The following TANC2 variants were observed in gnomAD, a reference collection of about 807,000 sequenced individuals.
TANC2 encodes protein TANC2.
In TANC2, 26 loss-of-function variants were observed where a neutral mutation model predicts 210.5. The observed-to-expected ratio is 0.12, with a 90% CI of 0.09 to 0.17. The LOEUF is 0.17. Ranked by LOEUF, TANC2 falls within the 10% of genes least tolerant of loss-of-function variation. The probability of loss-of-function intolerance (pLI) is 1.00; values close to 1 mark genes in which losing one functional copy is unlikely to be tolerated. For missense variants in TANC2, 2,129 were observed against 2,608.9 expected (o/e 0.82, Z 4.01); for synonymous variants, 931 against 967.1 (o/e 0.96, Z 0.69).
At chr17:62,998,385 G>A (rs181579714) in intron 1 of TANC2, among the ~76,000 whole-genome samples, 9 of 152,288 alleles carry the variant, frequency 5.9e-5, no homozygotes, top group Non-Finnish European at 1.0e-4. Flanking sequence ...CCTCACTAGA[G>A]AGGGCAACAT....
At chr17:63,057,362 AT>A (rs1451045197) in intron 2 of TANC2, among the ~76,000 whole-genome samples, 2 of 152,114 alleles carry the variant, frequency 1.3e-5, no homozygotes, top group African/African-American at 2.4e-5. Context: ...GATGCCATAG[AT>A]TTCTGTTTTG....
chr17:63,247,737 A>G (rs943776842), intron 8 of TANC2, among the ~76,000 whole-genome samples: 1 of 152,140 alleles, frequency 6.6e-6, no homozygotes. Context: ...TGTCCTGGAG[A>G]ACAAGATTAT....
Position 63,046,325 on chromosome 17 carries a change from C to CTTTTTTTTTTTTTTTTTTTTTTTTT in TANC2, c.68-27594_68-27593insTTTTTTTTTTTTTTTTTTTTTTTTT, listed in dbSNP as rs57550590. On this transcript the variant is annotated intron_variant, in intron 2 of 27. Transcript: ENST00000689528. ...CAGGTGCGTGCCACCACACCCAGCT[C>CTTTTTTTTTTTTTTTTTTTTTTTTT]TTTTTTTTTTTTTTTTTTTTTTTTG... is the stretch of plus-strand genomic sequence containing the variant. Among the ~76,000 whole-genome samples, 4 of 44,142 alleles carry CTTTTTTTTTTTTTTTTTTTTTTTTT rather than the reference C, an allele frequency of 9.1e-5. 2 individuals carry two copies. The highest frequency in any genetic ancestry group is 1.5e-4 in the Non-Finnish European group (4 of 27,058). 29.0% of individuals were successfully genotyped at this position (44,142 alleles called of 152,430 possible).
intron 4 of TANC2, among the ~76,000 whole-genome samples, chr17:63,125,743 T>C (rs2038683938): frequency 6.6e-6 from 1 of 152,230 alleles, no homozygotes; most frequent in Non-Finnish European, 1.5e-5. Flanking sequence ...CAAAAAAGTA[T>C]GATAAATATA....
At chr17:63,342,418 G>C (rs2046262074) in intron 12 of TANC2, among the ~76,000 whole-genome samples, 1 of 152,166 alleles carries the variant, frequency 6.6e-6, no homozygotes, top group East Asian at 1.9e-4. Context: ...AATATGTTTT[G>C]AACAGATAAG....
At chr17:63,400,666 C>T (rs1338220228) in intron 19 of TANC2, among the ~76,000 whole-genome samples, 2 of 150,776 alleles carry the variant, frequency 1.3e-5, no homozygotes, top group Non-Finnish European at 2.9e-5. Flanking sequence ...TTTTTTGAGA[C>T]GGAGTCTCAC....
At chr17:63,377,980 G>T (rs2147068180) in intron 14 of TANC2, among the ~76,000 whole-genome samples, 1 of 152,138 alleles carries the variant, frequency 6.6e-6, no homozygotes, top group East Asian at 1.9e-4. Context: ...AACAGCATGG[G>T]GTAAACCGCC....
intron 5 of TANC2, among the ~76,000 whole-genome samples, chr17:63,172,263 C>T: frequency 6.6e-6 from 1 of 151,130 alleles, no homozygotes; most frequent in Non-Finnish European, 1.5e-5. Context: ...ACATTCTCAA[C>T]CCCCGCCTCT....
chr17:62,997,896 A>G (rs1464704786), intron 1 of TANC2, among the ~76,000 whole-genome samples: 2 of 152,192 alleles, frequency 1.3e-5, no homozygotes, highest in Non-Finnish European at 2.9e-5. Context: ...GGAAGTAGAT[A>G]TAGAAAAAGA....
intron 2 of TANC2, among the ~76,000 whole-genome samples, chr17:63,063,774 C>T (rs1459037605): frequency 6.6e-6 from 1 of 151,762 alleles, no homozygotes; most frequent in Non-Finnish European, 1.5e-5. Flanking sequence ...TTGTTTTACT[C>T]TCTGTTATTG....
intron 6 of TANC2, 122 bp from the exon 7 acceptor site, chr17:63,200,649 G>T (rs1006370676): frequency 2.5e-5 from 21 of 838,330 alleles, no homozygotes; most frequent in Non-Finnish European, 3.9e-5. Flanking sequence ...AACAAATAGA[G>T]CCTAATAGAT....
intron 7 of TANC2, among the ~76,000 whole-genome samples, chr17:63,223,445 C>G (rs974578429): frequency 3.9e-5 from 6 of 152,172 alleles, no homozygotes; most frequent in African/African-American, 1.4e-4. Flanking sequence ...GGCTGCTCCA[C>G]AGGCAGAGCA....
At chr17:63,385,049 A>C (rs533427531) in intron 15 of TANC2, among the ~76,000 whole-genome samples, 1 of 152,304 alleles carries the variant, frequency 6.6e-6, no homozygotes, top group East Asian at 1.9e-4. Flanking sequence ...GTTCCCTCCT[A>C]AATAAAAATA....
intron 2 of TANC2, among the ~76,000 whole-genome samples, chr17:63,036,179 T>C (rs765557759): frequency 6.6e-6 from 1 of 152,104 alleles, no homozygotes; most frequent in African/African-American, 2.4e-5. Flanking sequence ...ATGGTTCATG[T>C]TTTTGCTATC....
chr17:63,327,975 C>G (rs1405350084), intron 11 of TANC2, among the ~76,000 whole-genome samples: 3 of 152,166 alleles, frequency 2.0e-5, no homozygotes, highest in Non-Finnish European at 2.9e-5. Flanking sequence ...CTTCCTGTGT[C>G]CATGTGTTCT....
chr17:63,396,020 A>T (rs1251313323), intron 18 of TANC2, 92 bp downstream of exon 18: 1 of 1,233,242 alleles, frequency 8.1e-7, no homozygotes, highest in Non-Finnish European at 1.1e-6. Flanking sequence ...CAAAATTGCC[A>T]ACCAAATTAA....
chr17:63,083,784 T>G (rs868696171), intron 3 of TANC2, among the ~76,000 whole-genome samples: 1 of 152,198 alleles, frequency 6.6e-6, no homozygotes, highest in African/African-American at 2.4e-5. Flanking sequence ...TTCATGTGAT[T>G]GATTTTGTTA....
At chr17:63,306,995 A>G (rs530136454) in intron 9 of TANC2, among the ~76,000 whole-genome samples, 11 of 152,316 alleles carry the variant, frequency 7.2e-5, no homozygotes, top group African/African-American at 2.6e-4. Flanking sequence ...AAAGCTTATC[A>G]GGGGAAGCCC....
intron 4 of TANC2, among the ~76,000 whole-genome samples, chr17:63,128,431 A>G (rs2038791360): frequency 6.6e-6 from 1 of 152,204 alleles, no homozygotes; most frequent in Admixed American, 6.5e-5. Context: ...TATTTTAAAA[A>G]TCTGTCTTTA....
Sources: gnomAD v4.1 joint callset for allele counts (sites outside exome capture counted in the v4.1 genomes callset) on GRCh38, gnomAD v4.1.1 for gene constraint, MANE v1.5 for transcripts, NCBI Gene and HGNC (gene_info 2026-07-23, HGNC 2026-07-21) for gene names.